The following SYT2 variants were observed in gnomAD, a reference collection of about 807,000 sequenced individuals.
SYT2 encodes synaptotagmin-2.
SYT2 carries 15 observed loss-of-function variants against 39.9 expected under a neutral mutation model. The observed-to-expected ratio is 0.38, with a 90% confidence interval of 0.25 to 0.58. The LOEUF is 0.58. SYT2 is among the 20% of genes least tolerant of loss of function. SYT2 has a pLI of 0.70. For missense variants in SYT2, 389 were observed against 530.3 expected, an observed-to-expected ratio of 0.73 and a Z score of 2.62; for synonymous variants, 181 against 204.5, an observed-to-expected ratio of 0.89 and a Z score of 0.98.
chr1:202,623,872 G>A lies in SYT2; in HGVS notation c.-17-18083C>T, dbSNP rs1691268843. 6.6e-6 allele frequency among the ~76,000 whole-genome samples: 1 copy of A among 152,186 alleles called. No homozygotes were observed. Among genetic ancestry groups the A allele is most frequent in the Non-Finnish European group, 1.5e-5 (1 of 68,030 alleles). On this transcript the variant is annotated intron_variant, in intron 1 of 8. Coordinates refer to ENST00000367268, the MANE Select transcript of SYT2 (RefSeq NM_177402.5). This position sits in a 1 kb window ranked among gnomAD's most constrained non-coding sequence, Gnocchi z 4.2. ...GCAGTGATTAACCCACACAATCAAT[G>A]GATCCTCCAGCCACAGTGTGAGCAG...
At chr1:202,652,015 G>A (rs914616942) in intron 1 of SYT2, among the ~76,000 whole-genome samples, 6 of 152,218 alleles carry the variant, frequency 3.9e-5, no homozygotes, top group Admixed American at 6.5e-5. Context: ...CCGAGATCCC[G>A]CCCCTGTACT....
chr1:202,611,460 T>C (rs1690882305), intron 1 of SYT2, among the ~76,000 whole-genome samples: 1 of 152,182 alleles, frequency 6.6e-6, no homozygotes, highest in Non-Finnish European at 1.5e-5. Flanking sequence ...CAAGTGATTC[T>C]CCAGCCTCAG....
At chr1:202,626,597 G>A (rs1438420587) in intron 1 of SYT2, among the ~76,000 whole-genome samples, 2 of 151,566 alleles carry the variant, frequency 1.3e-5, no homozygotes, top group Non-Finnish European at 2.9e-5. Flanking sequence ...AAACTCCTGG[G>A]CTCAAGCAAT....
intron 1 of SYT2, among the ~76,000 whole-genome samples, chr1:202,705,110 C>A (rs1006816951): frequency 5.3e-5 from 8 of 152,246 alleles, no homozygotes; most frequent in Admixed American, 3.3e-4. Flanking sequence ...TGAGAAGCGG[C>A]GAGGAGAGGA....
chr1:202,673,541 C>T (rs542312248), intron 1 of SYT2, among the ~76,000 whole-genome samples: 20 of 152,276 alleles, frequency 1.3e-4, no homozygotes, highest in South Asian at 8.3e-4. Flanking sequence ...TTCTGTGTCA[C>T]GAAGATCGAT....
chr1:202,592,507 T>C lies in SYT2; in HGVS notation c.*4250A>G, dbSNP rs1293351050. The C allele has an allele frequency of 6.6e-6, 1 of 152,264 alleles. No individual in the cohort carries two copies. Among genetic ancestry groups the C allele is most frequent in the East Asian group, 1.9e-4 (1 of 5,202 alleles). 9.4% of individuals were successfully genotyped at this position (152,264 alleles called of 1,614,324 possible). A position where few individuals can be genotyped will look rare whatever the true frequency, so the allele number is the denominator to read the frequency against. ...TTGGGGATCAAGGGGACTCTCAGCA[T>C]TGCCATGCGGCTATTTACAGAAAGT... On this transcript the variant is annotated 3_prime_UTR_variant, in exon 9 of 9. Transcript: ENST00000367268.
chr1:202,702,168 G>A (rs1457261245), intron 1 of SYT2, among the ~76,000 whole-genome samples: 1 of 152,216 alleles, frequency 6.6e-6, no homozygotes, highest in Non-Finnish European at 1.5e-5. Context: ...CCCTCTACCA[G>A]TAGGAGACCT....
chr1:202,646,434 C>T (rs1233569675), intron 1 of SYT2, among the ~76,000 whole-genome samples: 2 of 152,168 alleles, frequency 1.3e-5, no homozygotes, highest in Non-Finnish European at 2.9e-5. Flanking sequence ...CTTATCCTTC[C>T]TTGTTCTAGT....
intron 1 of SYT2, among the ~76,000 whole-genome samples, chr1:202,664,787 G>A (rs1199916164): frequency 1.3e-5 from 2 of 152,168 alleles, no homozygotes; most frequent in Non-Finnish European, 2.9e-5. Context: ...AGCCTCCCAA[G>A]TGGCTGGGAT....
chr1:202,615,607 C>T lies in SYT2; in HGVS notation c.-17-9818G>A, dbSNP rs551149000. ...TCTATTTAAAACCCTCCTGTGGCTT[C>T]TTGTCACATTTAGAATAAGATCCCT... is the stretch of plus-strand genomic sequence containing the variant. On this transcript the variant is annotated intron_variant, in intron 1 of 8. Coordinates refer to ENST00000367268, the MANE Select transcript of SYT2 (RefSeq NM_177402.5). 7.2e-5 allele frequency among the ~76,000 whole-genome samples: 11 copies of T among 152,312 alleles called. No individual in the cohort carries two copies. In the South Asian group the frequency reaches 2.3e-3, roughly 32 times the overall value.
intron 1 of SYT2, among the ~76,000 whole-genome samples, chr1:202,637,692 G>A (rs1170376189): frequency 2.6e-5 from 4 of 152,256 alleles, no homozygotes; most frequent in African/African-American, 9.6e-5. Context: ...TCTCCTGGCT[G>A]CAGGGCTGGC....
chr1:202,691,135 A>G (rs1296563855), intron 1 of SYT2, among the ~76,000 whole-genome samples: 1 of 152,140 alleles, frequency 6.6e-6, no homozygotes, highest in Non-Finnish European at 1.5e-5. Flanking sequence ...CTTCTTTCTG[A>G]AAGGGGAGAT....
chr1:202,646,778 A>G (rs1438697505), intron 1 of SYT2, among the ~76,000 whole-genome samples: 1 of 152,156 alleles, frequency 6.6e-6, no homozygotes, highest in African/African-American at 2.4e-5. Context: ...GGGAAGGAGC[A>G]TCTTACTCCA....
At chr1:202,700,738 G>A (rs1000639964) in intron 1 of SYT2, among the ~76,000 whole-genome samples, 21 of 152,026 alleles carry the variant, frequency 1.4e-4, no homozygotes, top group Admixed American at 4.6e-4. Context: ...TATCAACTTC[G>A]GTGTTCGGTC....
At chr1:202,602,137 C>T (rs1690526713) in intron 5 of SYT2, 80 bp from the exon 6 acceptor site, 4 of 1,546,784 alleles carry the variant, frequency 2.6e-6, no homozygotes, top group African/African-American at 1.4e-5. Context: ...GGCCTGCATT[C>T]CAGCCCACAG....
chr1:202,704,656 C>T (rs947067541), intron 1 of SYT2, among the ~76,000 whole-genome samples: 6 of 86,534 alleles, frequency 6.9e-5, no homozygotes, highest in Non-Finnish European at 1.4e-4. Flanking sequence ...ACCCCTAGGA[C>T]CCTGAATACA....
intron 1 of SYT2, among the ~76,000 whole-genome samples, chr1:202,681,559 T>C (rs1232501188): frequency 5.9e-5 from 9 of 152,194 alleles, no homozygotes; most frequent in Non-Finnish European, 1.0e-4. Context: ...CCAGAGTGTA[T>C]GATCTTGAGC....
chr1:202,625,499 T>C (rs1036196025), intron 1 of SYT2, among the ~76,000 whole-genome samples: 2 of 149,284 alleles, frequency 1.3e-5, no homozygotes, highest in African/African-American at 2.5e-5. Flanking sequence ...CCGGGCTGGG[T>C]GGCAGGTGCC....
At chr1:202,613,166 C>T (rs756026197) in intron 1 of SYT2, among the ~76,000 whole-genome samples, 9 of 150,198 alleles carry the variant, frequency 6.0e-5, no homozygotes, top group Non-Finnish European at 8.9e-5. Context: ...CTGCAACCTC[C>T]GCCTCCTGGG....
Sources: gnomAD v4.1 joint callset for allele counts (sites outside exome capture counted in the v4.1 genomes callset) on GRCh38, gnomAD v4.1.1 for gene constraint, Gnocchi (gnomAD v3.1) non-coding constraint, MANE v1.5 for transcripts, NCBI Gene and HGNC (gene_info 2026-07-23, HGNC 2026-07-21) for gene names.